KLHL5: variants seen among roughly 807,000 people sequenced by gnomAD.
KLHL5 encodes the protein kelch like family member 5.
KLHL5 carries 48 observed loss-of-function variants against 77.7 expected under a neutral mutation model. The observed-to-expected ratio is 0.62, with a 90% CI of 0.49 to 0.79. The LOEUF is 0.79. Among genes scored for constraint, KLHL5 ranks in the 30% least tolerant of loss-of-function variants. The pLI is 0.00. For missense variants in KLHL5, 723 were observed against 859.7 expected, an observed-to-expected ratio of 0.84 and a Z score of 1.99; for synonymous variants, 260 against 297.0, an observed-to-expected ratio of 0.88 and a Z score of 1.28.
chr4:39,113,046 G>T lies in KLHL5; in HGVS notation c.1715G>T (p.Gly572Val). Residue 572 changes from glycine to valine, a missense_variant, in exon 9 of 11, where the codon GGA (glycine) becomes GTA (valine). Physicochemically the swap from Gly to Val is moderately radical, Grantham distance 109. Transcript: ENST00000504108. ...CTTTATGCAGTTGGTGGTCGTGATG[G>T]AAGTTCTTGTCTCAAATCAGTAGAA... is the stretch of plus-strand genomic sequence containing the variant. Reference protein sequence around the residue: ...GKLYAVGGRDGSSCLKSVECF... With the variant: ...GKLYAVGGRDVSSCLKSVECF... The T allele has an allele frequency of 6.2e-7, 1 of 1,613,582 alleles. No homozygotes were observed. The highest frequency in any genetic ancestry group is 8.5e-7 in the Non-Finnish European group (1 of 1,179,876).
At chr4:39,071,156 A>G (rs919972919) in intron 1 of KLHL5, among the ~76,000 whole-genome samples, 1 of 152,144 alleles carries the variant, frequency 6.6e-6, no homozygotes, top group Admixed American at 6.5e-5. Context: ...TATACTGAAA[A>G]GGATATGTAT....
In KLHL5 at chr4:39,123,230, C is replaced by G. The variant is rs1489310819; in HGVS notation, c.*2164C>G. Among the ~76,000 whole-genome samples the G allele has an allele frequency of 2.0e-5, 3 of 152,124 alleles. No homozygotes were observed. Among genetic ancestry groups the G allele is most frequent in the Non-Finnish European group, 2.9e-5 (2 of 68,038 alleles). The stretch of plus-strand genomic sequence containing the variant: ...AGAGATTGAACCAGTAATCAAAAAT[C>G]TCCCAACAAAGAAAGTCCAGGACTA... On this transcript the variant is annotated 3_prime_UTR_variant, in exon 11 of 11. Coordinates refer to ENST00000504108, the MANE Select transcript of KLHL5 (RefSeq NM_015990.5).
intron 6 of KLHL5, among the ~76,000 whole-genome samples, chr4:39,101,873 TATATACACACACACACACACAC>T: frequency 7.4e-6 from 1 of 135,258 alleles, no homozygotes; most frequent in Middle Eastern, 3.7e-3. Flanking sequence ...TATATATATA[TATATACACACACACACACACAC>T]ATATACACAC....
In KLHL5 at chr4:39,076,102, G is replaced by A. The variant is rs776904961; in HGVS notation, c.521G>A (p.Cys174Tyr). 3.1e-6 allele frequency: 5 copies of A among 1,607,624 alleles called. No individual in the cohort carries two copies. The highest frequency in any genetic ancestry group is 4.2e-6 in the Non-Finnish European group (5 of 1,178,412). Residue 174 changes from cysteine to tyrosine, a missense_variant, in exon 2 of 11, where the codon TGT (cysteine) becomes TAT (tyrosine). Physicochemically the swap from Cys to Tyr is radical, Grantham distance 194. This residue lies in a region of KLHL5 where 221 missense variants were observed against 222.1 expected (regional missense o/e 1.00). Transcript: ENST00000504108. ...AACTATTTGAGACATAAACAGTTGT[G>A]TGATGTAATTTTAGTCGCTGGTGAT... ...MENYLRHKQLCDVILVAGDRR... is the reference protein window; with the variant it reads ...MENYLRHKQLYDVILVAGDRR...
chr4:39,074,763 T>G (rs949217475), intron 1 of KLHL5, among the ~76,000 whole-genome samples: 1 of 152,148 alleles, frequency 6.6e-6, no homozygotes, highest in Non-Finnish European at 1.5e-5. Context: ...TTAACAAGAT[T>G]CTCTTAAGAT....
Position 39,121,120 on chromosome 4 carries a change from T to C in KLHL5, c.*54T>C. 3 of 1,292,488 alleles carry C rather than the reference T, an allele frequency of 2.3e-6. No homozygotes were observed. The highest frequency in any genetic ancestry group is 2.4e-5 in the South Asian group (2 of 83,526). The allele number at this position is 1,292,488 out of a possible 1,614,324, so 80.1% of individuals were successfully genotyped here. A position where few individuals can be genotyped will look rare whatever the true frequency, so the allele number is the denominator to read the frequency against. On this transcript the variant is annotated 3_prime_UTR_variant, in exon 11 of 11. Coordinates refer to ENST00000504108, the MANE Select transcript of KLHL5 (RefSeq NM_015990.5). Reference sequence around the variant, plus strand: ...ACCGTCTTCCTTTATTAATTTAGTATAATTATTCTATCAATGGATACATTT... The same window carrying C: ...ACCGTCTTCCTTTATTAATTTAGTACAATTATTCTATCAATGGATACATTT...
chr4:39,096,841 TA>T lies in KLHL5; in HGVS notation c.1264del (p.Thr422HisfsTer30). 1 of 1,613,966 alleles carries T rather than the reference TA, an allele frequency of 6.2e-7. No homozygotes were observed. The highest frequency in any genetic ancestry group is 8.5e-7 in the Non-Finnish European group (1 of 1,179,856). The stretch of plus-strand genomic sequence containing the variant: ...CAAAACCTAGGAAGTCAACTGTTGG[TA>T]CATTATTTGCAGTTGGGGGAATGGA... ...RTKPRKSTVG[T>X]LFAVGGMDST... On this transcript the variant is annotated frameshift_variant, in exon 6 of 11. Transcript: ENST00000504108. LOFTEE classifies it high-confidence loss of function.
At chr4:39,137,182 T>TGC in the KLHL5 span, among the ~76,000 whole-genome samples, 1 of 102,672 alleles carries the variant, frequency 9.7e-6, no homozygotes, top group Non-Finnish European at 2.3e-5. Flanking sequence ...TGCAAATATG[T>TGC]GCGTGTGTGT....
rs1336330498 is a variant in KLHL5, at chr4:39,081,033, C to G, written c.567-70C>G. The G allele has an allele frequency of 1.2e-5, 17 of 1,447,134 alleles. No homozygotes were observed. Among genetic ancestry groups the G allele is most frequent in the Non-Finnish European group, 1.5e-5 (16 of 1,064,056 alleles). The allele number at this position is 1,447,134 out of a possible 1,614,324, so 89.6% of individuals were successfully genotyped here. On this transcript the variant is annotated intron_variant, in intron 2 of 10. Coordinates refer to ENST00000504108, the MANE Select transcript of KLHL5 (RefSeq NM_015990.5). The surrounding 1 kb of genome is among the most constrained non-coding windows in gnomAD (Gnocchi z 4.3). ...CTGTGAGTAACAAATAAAAAAGAAG[C>G]AGCAGCATTTATTAATGAACATCAA...
chr4:39,045,002 C>T (rs1716038750), upstream of KLHL5: 3 of 992,578 alleles, frequency 3.0e-6, no homozygotes, highest in African/African-American at 1.7e-5. Context: ...GAGCATCCCA[C>T]TCAGCTCGCC....
In KLHL5 at chr4:39,113,148, C is replaced by T; in HGVS notation, c.1817C>T (p.Thr606Ile). Residue 606 changes from threonine (T) to isoleucine (I), a missense_variant, in exon 9 of 11, where the codon ACC (threonine) becomes ATC (isoleucine). Physicochemically the swap from Thr to Ile is moderately conservative, Grantham distance 89. Coordinates refer to ENST00000504108, the MANE Select transcript of KLHL5 (RefSeq NM_015990.5). Reference protein sequence around the residue: ...SKRRGGVGVTTWNGLLYAIGG... With the variant: ...SKRRGGVGVTIWNGLLYAIGG... ...AGGAGAGGTGGCGTAGGAGTGACGA[C>T]CTGGAATGGACTGCTGTATGCTATA... 1 of 1,614,124 alleles carries T rather than the reference C, an allele frequency of 6.2e-7. No individual in the cohort carries two copies. The highest frequency in any genetic ancestry group is 8.5e-7 in the Non-Finnish European group (1 of 1,180,002).
rs896846976 is a variant in KLHL5, at chr4:39,045,112, T to C, written c.-95+16T>C. The C allele has an allele frequency of 7.2e-5, 71 of 984,754 alleles. No individual in the cohort carries two copies. The African/African-American group carries it at 1.2e-3, about 16-fold the overall frequency. 61.0% of individuals were successfully genotyped at this position (984,754 alleles called of 1,614,324 possible). ...GCCCGACGCGGTAAGTGCGACTTCC[T>C]TCTCGGCATCGGGGAGGGGGCCGCC... On this transcript the variant is annotated intron_variant, in intron 1 of 11. Transcript: ENST00000261425.
chr4:39,093,715 A>G (rs1420315308), intron 5 of KLHL5, among the ~76,000 whole-genome samples: 2 of 152,032 alleles, frequency 1.3e-5, no homozygotes, highest in Admixed American at 6.6e-5. Context: ...AGACCAGCCT[A>G]GCCAACATGG....
intron 10 of KLHL5, chr4:39,115,531 A>C: frequency 6.8e-7 from 1 of 1,471,036 alleles, no homozygotes; most frequent in African/African-American, 1.4e-5. Context: ...TTGAGATGTA[A>C]GTTAATACTC....
chr4:39,093,512 T>C, intron 5 of KLHL5: 2 of 447,380 alleles, frequency 4.5e-6, no homozygotes, highest in Non-Finnish European at 9.0e-6. Flanking sequence ...CCAATAAAAT[T>C]GTAAAGAAAT....
intron 6 of KLHL5, among the ~76,000 whole-genome samples, chr4:39,100,305 C>T (rs571641718): frequency 6.6e-6 from 1 of 152,312 alleles, no homozygotes; most frequent in South Asian, 2.1e-4. Flanking sequence ...CTCTGTCTCT[C>T]TGGAACCTTA....
chr4:39,113,005 A>G lies in KLHL5; in HGVS notation c.1689-15A>G, dbSNP rs1490925453. The G allele has an allele frequency of 3.1e-6, 5 of 1,606,736 alleles. No individual in the cohort carries two copies. The highest frequency in any genetic ancestry group is 2.2e-5 in the East Asian group (1 of 44,844). On this transcript the variant is annotated splice_polypyrimidine_tract_variant and intron_variant, in intron 8 of 10. Transcript: ENST00000504108. ...GCACATGTCTTATTTATCATTTCAT[A>G]TATTCTTTTTGCAGACTTTATGCAG... is the stretch of plus-strand genomic sequence containing the variant.
chr4:39,091,753 C>T (rs545800196), intron 5 of KLHL5, among the ~76,000 whole-genome samples: 21 of 151,550 alleles, frequency 1.4e-4, no homozygotes, highest in Non-Finnish European at 2.2e-4. Flanking sequence ...TCACTGCAGC[C>T]TCAAACTCCT....
At chr4:39,048,466 A>C (rs1716369182) in intron 1 of KLHL5, among the ~76,000 whole-genome samples, 1 of 152,126 alleles carries the variant, frequency 6.6e-6, no homozygotes, top group Non-Finnish European at 1.5e-5. Context: ...GAACTCTCAC[A>C]TCCTGTTGAT....
Sources: gnomAD v4.1 joint callset for allele counts (sites outside exome capture counted in the v4.1 genomes callset) on GRCh38, gnomAD v4.1.1 for gene constraint, gnomAD v4.1.1 regional missense constraint, Gnocchi (gnomAD v3.1) non-coding constraint, MANE v1.5 for transcripts, NCBI Gene and HGNC (gene_info 2026-07-23, HGNC 2026-07-21) for gene names.